Variants in MIA2 observed in about 807,000 individuals in gnomAD.
MIA2 encodes the protein MIA SH3 domain ER export factor 2, also known as melanoma inhibitory activity protein 2.
In MIA2, 127 loss-of-function variants were observed where a neutral mutation model predicts 167.8. That is an observed-to-expected ratio of 0.76 (90% CI 0.66 to 0.88). MIA2 has a LOEUF of 0.88. MIA2 is among the 40% of genes least tolerant of loss of function. The pLI is 0.00. For synonymous variants in MIA2, 552 were observed against 541.9 expected (o/e 1.02, Z -0.26); for missense variants, 1,690 against 1,624.7 (o/e 1.04, Z -0.69).
chr14:39,281,617 T>C (rs2058955269), intron 9 of MIA2, among the ~76,000 whole-genome samples: 1 of 145,900 alleles, frequency 6.9e-6, no homozygotes. Flanking sequence ...TGTTTTGTTT[T>C]GGTTTTTTTT....
intron 23 of MIA2, among the ~76,000 whole-genome samples, chr14:39,377,570 G>A (rs554790560): frequency 7.2e-5 from 11 of 152,258 alleles, no homozygotes; most frequent in Admixed American, 3.3e-4. Flanking sequence ...CATTAGGCAA[G>A]GCTGGAGTCT....
At chr14:39,274,983 G>A (rs1179850680) in intron 6 of MIA2, among the ~76,000 whole-genome samples, 2 of 149,898 alleles carry the variant, frequency 1.3e-5, no homozygotes, top group Non-Finnish European at 3.0e-5. Context: ...GCTGAGGCAG[G>A]AGAATTGCTT....
intron 6 of MIA2, among the ~76,000 whole-genome samples, chr14:39,258,066 G>A (rs1419500885): frequency 6.6e-6 from 1 of 151,978 alleles, no homozygotes; most frequent in Non-Finnish European, 1.5e-5. Context: ...TGTGTCTTGG[G>A]GTTGCTCTTC....
rs1566747630 is a variant in MIA2 at position 39,288,457 on chromosome 14, A to AT, written c.2131-2561dup. 1.8e-4 allele frequency among the ~76,000 whole-genome samples: 3 copies of AT among 16,586 alleles called. 1 individual carries two copies. Among genetic ancestry groups the AT allele is most frequent in the African/African-American group, 4.4e-4 (3 of 6,750 alleles). 10.9% of individuals were successfully genotyped at this position (16,586 alleles called of 152,430 possible). On this transcript the variant is annotated intron_variant, in intron 9 of 28. Coordinates refer to ENST00000640607, the MANE Select transcript of MIA2 (RefSeq NM_001329214.4). Reference sequence around the variant, plus strand: ...CATATATATATATATATATATATATATATATATATATATATATATTTTTTT... The same window carrying AT: ...CATATATATATATATATATATATATATTATATATATATATATATATTTTTTT...
At chr14:39,310,213 T>C (rs2063998910) in intron 18 of MIA2, among the ~76,000 whole-genome samples, 1 of 152,166 alleles carries the variant, frequency 6.6e-6, no homozygotes, top group African/African-American at 2.4e-5. Flanking sequence ...CACTCTGCTT[T>C]CTTGTTTCAG....
chr14:39,270,445 C>T (rs749445660), intron 6 of MIA2, among the ~76,000 whole-genome samples: 6 of 152,080 alleles, frequency 3.9e-5, no homozygotes, highest in Middle Eastern at 3.4e-3. Flanking sequence ...GTGATCCACC[C>T]GCCTCGGCCT....
intron 18 of MIA2, among the ~76,000 whole-genome samples, chr14:39,310,726 A>G: frequency 6.6e-6 from 1 of 152,242 alleles, no homozygotes; most frequent in East Asian, 1.9e-4. Context: ...CTTTGAGATC[A>G]GGATGCTGGG....
intron 23 of MIA2, among the ~76,000 whole-genome samples, chr14:39,380,594 G>T (rs2075136079): frequency 6.6e-6 from 1 of 150,904 alleles, no homozygotes; most frequent in African/African-American, 2.4e-5. Context: ...TAGGGAGGCT[G>T]AGGCAGGAGA....
chr14:39,266,340 A>C, intron 6 of MIA2: 1 of 985,398 alleles, frequency 1.0e-6, no homozygotes, highest in Non-Finnish European at 1.2e-6. Flanking sequence ...TTGGCACTTT[A>C]TTCGACGGTC....
At chr14:39,336,097 T>TA (rs970178700) in intron 25 of MIA2, among the ~76,000 whole-genome samples, 15 of 152,212 alleles carry the variant, frequency 9.9e-5, no homozygotes, top group African/African-American at 3.4e-4. Flanking sequence ...TAGAACGACT[T>TA]AGTTTCTTTT....
At chr14:39,337,528 T>C (rs1227595190) in intron 25 of MIA2, among the ~76,000 whole-genome samples, 1 of 152,166 alleles carries the variant, frequency 6.6e-6, no homozygotes, top group African/African-American at 2.4e-5. Context: ...ACAGATTGTA[T>C]CCTGGGCCAT....
intron 23 of MIA2, among the ~76,000 whole-genome samples, chr14:39,320,626 C>CT (rs1242088789): frequency 1.3e-5 from 2 of 152,128 alleles, no homozygotes; most frequent in African/African-American, 2.4e-5. Context: ...TCCTATAACT[C>CT]TAAGATATAT....
Position 39,252,922 on chromosome 14 carries a change from C to T in MIA2, c.1742C>T (p.Ser581Leu), listed in dbSNP as rs764303604. ...ENTLLNSQMV[S>L]TDNSLSSQNY... ...ACCCTGCTAAATAGTCAGATGGTTT[C>T]AACTGATAACTCTTTGTCTTCTCAA... The change falls in exon 5 of 29, where the codon TCA becomes TTA. Residue 581 changes from serine to leucine, a missense_variant. By Grantham distance (145) the Ser-to-Leu change is moderately radical (BLOSUM62 -2). Transcript: ENST00000640607. 2 of 1,613,136 alleles carry T rather than the reference C, an allele frequency of 1.2e-6. No homozygotes were observed. The highest frequency in any genetic ancestry group is 2.7e-5 in the African/African-American group (2 of 74,914).
intron 3 of MIA2, among the ~76,000 whole-genome samples, chr14:39,245,915 G>A (rs2054280977): frequency 6.6e-6 from 1 of 152,058 alleles, no homozygotes; most frequent in Non-Finnish European, 1.5e-5. Context: ...TCAAACCATA[G>A]AACCCTACCT....
chr14:39,307,390 ATTTTTTTTTTTTTT>A (rs373046158), intron 17 of MIA2, among the ~76,000 whole-genome samples: 3 of 67,484 alleles, frequency 4.4e-5, no homozygotes, highest in Non-Finnish European at 5.7e-5. Context: ...AGTTAAAAGA[ATTTTTTTTTTTTTT>A]TTTTTTTTTT....
At position 39,317,841 on chromosome 14, in the gene MIA2, A is replaced by G. The variant is rs190340287; in HGVS notation, c.3217-103A>G. 1.1e-3 allele frequency: 748 copies of G among 669,874 alleles called. 2 individuals are homozygous for G. Among genetic ancestry groups the G allele is most frequent in the Middle Eastern group, 1.9e-3 (4 of 2,132 alleles). 41.5% of individuals were successfully genotyped at this position (669,874 alleles called of 1,614,324 possible). On this transcript the variant is annotated intron_variant, in intron 21 of 28. Coordinates refer to ENST00000640607, the MANE Select transcript of MIA2 (RefSeq NM_001329214.4). ...GATTTGTATACCATTGTTGTGATATATATATATTTTTAAGAAATTTAATGA... is the reference window on the plus strand; with the variant it reads ...GATTTGTATACCATTGTTGTGATATGTATATATTTTTAAGAAATTTAATGA...
chr14:39,307,651 C>T (rs892115949), intron 17 of MIA2, among the ~76,000 whole-genome samples: 4 of 151,962 alleles, frequency 2.6e-5, no homozygotes, highest in Non-Finnish European at 4.4e-5. Context: ...CCACCCCCTT[C>T]GGCCTTCCAA....
intron 9 of MIA2, among the ~76,000 whole-genome samples, chr14:39,288,475 ATT>A (rs1247369150): frequency 1.3e-3 from 64 of 50,504 alleles, no homozygotes; most frequent in Non-Finnish European, 1.7e-3. Flanking sequence ...ATATATATAT[ATT>A]TTTTTTTTTT....
In MIA2 at chr14:39,285,737, C is replaced by T. The variant is rs535031638; in HGVS notation, c.2131-5282C>T. Among the ~76,000 whole-genome samples, 248 of 118,620 alleles carry T rather than the reference C, an allele frequency of 2.1e-3. 3 individuals carry two copies. The highest frequency in any genetic ancestry group is 7.3e-3 in the African/African-American group (231 of 31,676). The allele number at this position is 118,620 out of a possible 152,430, so 77.8% of individuals were successfully genotyped here. ...CTCACTTCCCAGACGGGGCAGCTGC[C>T]GGGCGGAGGGGCTCCTCACTTCTCA... On this transcript the variant is annotated intron_variant, in intron 9 of 28. Coordinates refer to ENST00000640607, the MANE Select transcript of MIA2 (RefSeq NM_001329214.4).
Sources: gnomAD v4.1 joint callset for allele counts (sites outside exome capture counted in the v4.1 genomes callset) on GRCh38, gnomAD v4.1.1 for gene constraint, MANE v1.5 for transcripts, NCBI Gene and HGNC (gene_info 2026-07-23, HGNC 2026-07-21) for gene names.